SMARCE1: variants seen among roughly 807,000 people sequenced by gnomAD.
SMARCE1 encodes SWI/SNF-related matrix-associated actin-dependent regulator of chromatin subfamily E member 1.
Under a neutral mutation model 54.9 loss-of-function variants are expected in SMARCE1, and 13 were observed. The ratio of observed to expected loss-of-function variants is 0.24; its 90% CI spans 0.15 to 0.38. The LOEUF (loss-of-function observed/expected upper bound fraction) is 0.38, where lower values mean the gene tolerates loss of function less well. SMARCE1 is among the 10% of genes least tolerant of loss of function. The pLI is 1.00. For synonymous variants in SMARCE1, 151 were observed against 175.3 expected, an observed-to-expected ratio of 0.86 and a Z score of 1.10; for missense variants, 295 against 523.8, an observed-to-expected ratio of 0.56 and a Z score of 4.26.
chr17:40,632,421 G>A (rs1443555789), intron 7 of SMARCE1, 54 bp from the exon 8 acceptor site: 3 of 1,490,372 alleles, frequency 2.0e-6, no homozygotes, highest in Admixed American at 1.7e-5. Context: ...ATAAAAAGGA[G>A]TGTAACAATG....
rs894623214 is a variant in SMARCE1 at position 40,628,236 on chromosome 17, A to G, written c.*549T>C. 1.3e-5 allele frequency: 2 copies of G among 154,008 alleles called. No homozygotes were observed. Among genetic ancestry groups the G allele is most frequent in the Non-Finnish European group, 2.9e-5 (2 of 69,214 alleles). 9.5% of individuals were successfully genotyped at this position (154,008 alleles called of 1,614,324 possible). On this transcript the variant is annotated 3_prime_UTR_variant, in exon 11 of 11. Transcript: ENST00000348513. ...GACTATTTCTGGATCAGTAAGATCC[A>G]AGTGTAGTTAGTTACACACTACACT...
rs1385767772 is a variant in SMARCE1, at chr17:40,631,665, A to G, written c.743T>C (p.Ile248Thr). ...CTTCTTCTCCTGGTGTCGTTCCTCT[A>G]TTTGAAGAAGTTCAGCTTCTAGTTT... ...QRKLEAELLQ[I>T]EERHQEKKRK... Residue 248 changes from isoleucine to threonine, a missense_variant, in exon 9 of 11, where the codon ATA becomes ACA. Physicochemically the swap from Ile to Thr is moderately conservative, Grantham distance 89 (BLOSUM62 -1). Transcript: ENST00000348513. 3 of 1,610,668 alleles carry G rather than the reference A, an allele frequency of 1.9e-6. No homozygotes were observed. In the African/African-American group the frequency reaches 4.0e-5, roughly 22 times the overall value.
At chr17:40,640,950 T>A (rs1048573) in intron 4 of SMARCE1, 110,970 of 152,148 alleles carry the variant, frequency 0.73, 41,066 homozygotes, top group African/African-American at 0.86. Context: ...CTTTTTTAAC[T>A]GAGAATCCCC....
intron 4 of SMARCE1, chr17:40,640,683 G>A (rs989858602): frequency 6.6e-6 from 1 of 152,102 alleles, no homozygotes; most frequent in Non-Finnish European, 1.5e-5. Context: ...CATTTTCTAG[G>A]CCCTTCTTCA....
Position 40,642,683 on chromosome 17 carries a change from T to G in SMARCE1, c.52-124A>C. ...ACCTGAATTTAAACAAGCAATGATG[T>G]GTTGTAATTGTTCTTTTTTTCCACT... On this transcript the variant is annotated intron_variant, in intron 3 of 10. Transcript: ENST00000348513. The surrounding 1 kb of genome is among the most constrained non-coding windows in gnomAD (Gnocchi z 4.6). The G allele has an allele frequency of 1.6e-6, 1 of 619,296 alleles. No homozygotes were observed. Among genetic ancestry groups the G allele is most frequent in the Non-Finnish European group, 2.9e-6 (1 of 349,950 alleles). 38.4% of individuals were successfully genotyped at this position (619,296 alleles called of 1,614,324 possible).
intron 10 of SMARCE1, chr17:40,629,615 C>T (rs112266018): frequency 4.3e-5 from 33 of 762,562 alleles, no homozygotes; most frequent in African/African-American, 2.9e-4. Context: ...TAGTCTCAAA[C>T]GATTTTCTTC....
At position 40,642,620 on chromosome 17, in the gene SMARCE1, A is replaced by C; in HGVS notation, c.52-61T>G. 2.8e-6 allele frequency: 3 copies of C among 1,061,434 alleles called. No homozygotes were observed. The highest frequency in any genetic ancestry group is 4.3e-6 in the Non-Finnish European group (3 of 691,212). The allele number at this position is 1,061,434 out of a possible 1,614,324, so 65.8% of individuals were successfully genotyped here. A position where few individuals can be genotyped will look rare whatever the true frequency, so the allele number is the denominator to read the frequency against. ...AAATGAGCTCAAACGAGGAAAACACAGAAATGAAAAATGATCTGCATATGG... is the reference window on the plus strand; with the variant it reads ...AAATGAGCTCAAACGAGGAAAACACCGAAATGAAAAATGATCTGCATATGG... On this transcript the variant is annotated intron_variant, in intron 3 of 10. Coordinates refer to ENST00000348513, the MANE Select transcript of SMARCE1 (RefSeq NM_003079.5). The surrounding 1 kb of genome is among the most constrained non-coding windows in gnomAD (Gnocchi z 4.6).
At chr17:40,630,255 G>T in intron 10 of SMARCE1, 1 of 1,545,598 alleles carries the variant, frequency 6.5e-7, no homozygotes. Context: ...TAGAAGTAAG[G>T]GTTTTTCTAG....
chr17:40,633,581 T>C (rs763771987), intron 7 of SMARCE1: 9 of 152,218 alleles, frequency 5.9e-5, no homozygotes, highest in Non-Finnish European at 1.0e-4. Context: ...GGAAACCCTG[T>C]TACAGAGGCC....
rs1191590620 is a variant in SMARCE1 at position 40,626,082 on chromosome 17, CCGGGCGTGGTGG to C, written c.*2691_*2702del. The C allele has an allele frequency of 6.6e-6, 1 of 152,060 alleles. No homozygotes were observed. Among genetic ancestry groups the C allele is most frequent in the East Asian group, 1.9e-4 (1 of 5,190 alleles). 9.4% of individuals were successfully genotyped at this position (152,060 alleles called of 1,614,324 possible). A position where few individuals can be genotyped will look rare whatever the true frequency, so the allele number is the denominator to read the frequency against. Reference sequence around the variant, plus strand: ...TCTCTACTAAAAATACAAAAATTAGCCGGGCGTGGTGGCGGGCGCCTGTAATCCCAGCTACTC... The same window carrying C: ...TCTCTACTAAAAATACAAAAATTAGCCGGGCGCCTGTAATCCCAGCTACTC... On this transcript the variant is annotated 3_prime_UTR_variant, in exon 11 of 11. Transcript: ENST00000348513.
chr17:40,636,060 C>G lies in SMARCE1; in HGVS notation c.412G>C (p.Ala138Pro). ...TTTGCATTTATGTAAGCAAGGTACG[C>G]GGGGGAATTATGATAGGCCTTCATA... is the stretch of plus-strand genomic sequence containing the variant. ...ESMKAYHNSPAYLAYINAKSR... is the reference protein window; with the variant it reads ...ESMKAYHNSPPYLAYINAKSR... The change falls in exon 7 of 11, where the codon GCG becomes CCG. Residue 138 changes from alanine (A) to proline (P), a missense_variant. By Grantham distance (27) the Ala-to-Pro change is conservative. Coordinates refer to ENST00000348513, the MANE Select transcript of SMARCE1 (RefSeq NM_003079.5). The G allele has an allele frequency of 6.2e-7, 1 of 1,612,662 alleles. No homozygotes were observed. Among genetic ancestry groups the G allele is most frequent in the Non-Finnish European group, 8.5e-7 (1 of 1,179,496 alleles).
In SMARCE1 at chr17:40,627,721, T is replaced by A. The variant is rs902946182; in HGVS notation, c.*1064A>T. ...AAAACACTGAGACCTTTTTTTCATT[T>A]TTTTTTTTATTACATTTGGACCTTT... On this transcript the variant is annotated 3_prime_UTR_variant, in exon 11 of 11. Transcript: ENST00000348513. 1.7e-4 allele frequency: 8 copies of A among 46,432 alleles called. No individual in the cohort carries two copies. The highest frequency in any genetic ancestry group is 1.2e-3 in the Admixed American group (8 of 6,668). The allele number at this position is 46,432 out of a possible 1,614,324, so 2.9% of individuals were successfully genotyped here.
chr17:40,636,171 T>G, intron 6 of SMARCE1, 69 bp from the exon 7 acceptor site: 2 of 1,307,898 alleles, frequency 1.5e-6, no homozygotes, highest in South Asian at 2.8e-5. Flanking sequence ...CTATGTTATC[T>G]CACTTGAATA....
chr17:40,640,167 T>C (rs2037183480), intron 4 of SMARCE1: 1 of 152,246 alleles, frequency 6.6e-6, no homozygotes, highest in Non-Finnish European at 1.5e-5. Flanking sequence ...GCTGTTTCTC[T>C]AGCAAGAACT....
intron 9 of SMARCE1, 25 bp downstream of exon 9, chr17:40,631,567 T>C: frequency 8.7e-7 from 1 of 1,149,288 alleles, no homozygotes; most frequent in Non-Finnish European, 1.3e-6. Context: ...GTGATAAAAG[T>C]ATAGTTAACA....
chr17:40,629,343 T>C (rs550284734), intron 10 of SMARCE1: 42 of 419,574 alleles, frequency 1.0e-4, no homozygotes, highest in Non-Finnish European at 1.6e-4. Context: ...TTAGGATATG[T>C]TGAATTAAAT....
At chr17:40,644,152 C>T (rs1363948348) in intron 3 of SMARCE1, 1 of 151,986 alleles carries the variant, frequency 6.6e-6, no homozygotes, top group Non-Finnish European at 1.5e-5. Flanking sequence ...AAAAAAAATT[C>T]CTTTTTATGC....
intron 4 of SMARCE1, 184 bp from the exon 5 acceptor site, chr17:40,637,756 T>C (rs2037160136): frequency 1.7e-6 from 1 of 576,952 alleles, no homozygotes; most frequent in Admixed American, 3.1e-5. Flanking sequence ...AGCACATAAT[T>C]TTTAAATGTT....
Position 40,625,738 on chromosome 17 carries a change from C to T in SMARCE1, c.*3047G>A, listed in dbSNP as rs1219184686. On this transcript the variant is annotated 3_prime_UTR_variant, in exon 11 of 11. Coordinates refer to ENST00000348513, the MANE Select transcript of SMARCE1 (RefSeq NM_003079.5). ...TCAATATGCATGACCCCAGATTCCC[C>T]TTTAAAATATAGTCCAAGTATTTTA... 6.6e-6 allele frequency: 1 copy of T among 152,184 alleles called. No individual in the cohort carries two copies. The highest frequency in any genetic ancestry group is 1.5e-5 in the Non-Finnish European group (1 of 68,036). The allele number at this position is 152,184 out of a possible 1,614,324, so 9.4% of individuals were successfully genotyped here.
Sources: gnomAD v4.1 joint callset for allele counts on GRCh38, gnomAD v4.1.1 for gene constraint, Gnocchi (gnomAD v3.1) non-coding constraint, MANE v1.5 for transcripts, NCBI Gene and HGNC (gene_info 2026-07-23, HGNC 2026-07-21) for gene names.